NAPB: variants seen among roughly 807,000 people sequenced by gnomAD.
The protein encoded by NAPB is beta-soluble NSF attachment protein.
A neutral mutation model predicts 44.7 loss-of-function variants in NAPB; 26 were observed. That is an observed-to-expected ratio of 0.58 (90% confidence interval 0.43 to 0.81). The LOEUF (loss-of-function observed/expected upper bound fraction) is 0.81, where lower values mean the gene tolerates loss of function less well. Ranked by LOEUF, NAPB falls within the 30% of genes least tolerant of loss-of-function variation. The pLI is 0.00. For missense variants in NAPB, 315 were observed against 356.4 expected (o/e 0.88, Z 0.94); for synonymous variants, 120 against 116.8 (o/e 1.03, Z -0.18).
At chr20:23,387,064 T>C (rs1190966916) in intron 7 of NAPB, among the ~76,000 whole-genome samples, 2 of 152,180 alleles carry the variant, frequency 1.3e-5, no homozygotes, top group East Asian at 3.9e-4. Context: ...GAAAAAAGTT[T>C]GACAAAGGAC....
intron 10 of NAPB, 74 bp downstream of exon 10, chr20:23,379,371 A>G (rs1982815882): frequency 8.5e-7 from 1 of 1,169,894 alleles, no homozygotes; most frequent in East Asian, 2.4e-5. Context: ...TAGAATTCAC[A>G]TAATGAAAAG....
chr20:23,394,976 C>T lies in NAPB; in HGVS notation c.366G>A (p.Lys122=). 4 of 1,614,204 alleles carry T rather than the reference C, an allele frequency of 2.5e-6. No individual in the cohort carries two copies. Among genetic ancestry groups the T allele is most frequent in the Non-Finnish European group, 2.5e-6 (3 of 1,180,024 alleles). The part of the protein sequence containing the change: ...TDMGRFTIAA[K]HHITIAEIYE... ...AGATCTCTGCAATAGTAATGTGGTGCTTGGCTGCAATTGTAAACCTTCCCT... is the reference window on the plus strand; with the variant it reads ...AGATCTCTGCAATAGTAATGTGGTGTTTGGCTGCAATTGTAAACCTTCCCT... The change falls in exon 5 of 11, where the codon AAG becomes AAA. Residue 122 remains lysine (K), a synonymous_variant. Coordinates refer to ENST00000377026, the MANE Select transcript of NAPB (RefSeq NM_022080.3).
At chr20:23,385,747 G>A (rs1040787503) in intron 7 of NAPB, among the ~76,000 whole-genome samples, 56 of 149,882 alleles carry the variant, frequency 3.7e-4, no homozygotes, top group East Asian at 4.0e-4. Flanking sequence ...GAGAAAGAGA[G>A]AGAGAGAAAG....
chr20:23,410,019 A>G (rs1256294860), intron 1 of NAPB, among the ~76,000 whole-genome samples: 1 of 152,212 alleles, frequency 6.6e-6, no homozygotes, highest in Non-Finnish European at 1.5e-5. Context: ...AGAGCACTGC[A>G]GTTGGGAACT....
intron 7 of NAPB, among the ~76,000 whole-genome samples, chr20:23,389,589 T>C (rs1983801183): frequency 2.6e-5 from 4 of 152,216 alleles, no homozygotes. Flanking sequence ...ATGACATGGA[T>C]GAACCCTGAA....
At chr20:23,389,909 A>G in intron 7 of NAPB, 37 bp downstream of exon 7, 1 of 1,557,576 alleles carries the variant, frequency 6.4e-7, no homozygotes, top group Non-Finnish European at 8.7e-7. Flanking sequence ...AAAATTATTC[A>G]GACAACTTCT....
chr20:23,402,894 G>A (rs1984948962), intron 2 of NAPB, 99 bp downstream of exon 2: 1 of 867,476 alleles, frequency 1.2e-6, no homozygotes, highest in Non-Finnish European at 1.8e-6. Context: ...CTGTCTCTGG[G>A]GCCAATAGTC....
intron 2 of NAPB, among the ~76,000 whole-genome samples, chr20:23,398,104 C>T (rs1017831273): frequency 7.2e-5 from 11 of 152,168 alleles, no homozygotes; most frequent in Non-Finnish European, 1.3e-4. Flanking sequence ...GAGGCTGCAT[C>T]AGGCCACTTC....
chr20:23,387,763 C>T (rs1386855703), intron 7 of NAPB, among the ~76,000 whole-genome samples: 3 of 152,060 alleles, frequency 2.0e-5, no homozygotes, highest in Non-Finnish European at 4.4e-5. Context: ...ATAAAAGGAA[C>T]CTGTATTCAT....
intron 5 of NAPB, among the ~76,000 whole-genome samples, chr20:23,392,904 A>T (rs1984076985): frequency 6.6e-6 from 1 of 151,908 alleles, no homozygotes; most frequent in Non-Finnish European, 1.5e-5. Flanking sequence ...TGTGTTGGAG[A>T]CCATGCCTGG....
chr20:23,417,495 C>T (rs574692464), intron 1 of NAPB, among the ~76,000 whole-genome samples: 2 of 152,200 alleles, frequency 1.3e-5, no homozygotes, highest in African/African-American at 4.8e-5. Flanking sequence ...TTTTCCAATT[C>T]AAAACTATCT....
At chr20:23,398,516 C>T (rs984342764) in intron 2 of NAPB, among the ~76,000 whole-genome samples, 5 of 152,190 alleles carry the variant, frequency 3.3e-5, no homozygotes, top group Non-Finnish European at 7.4e-5. Context: ...TGTGCCACCA[C>T]ACCTGGCTAT....
intron 7 of NAPB, among the ~76,000 whole-genome samples, chr20:23,383,714 A>C (rs1983230166): frequency 6.6e-6 from 1 of 152,210 alleles, no homozygotes; most frequent in Non-Finnish European, 1.5e-5. Context: ...TCTAAATAGA[A>C]AGGAAACAAT....
intron 1 of NAPB, among the ~76,000 whole-genome samples, chr20:23,417,991 C>T (rs1475696555): frequency 1.3e-5 from 2 of 152,082 alleles, no homozygotes; most frequent in African/African-American, 4.8e-5. Context: ...TACAGTATTG[C>T]CACAAAACCA....
chr20:23,389,610 T>C (rs1351015829), intron 7 of NAPB, among the ~76,000 whole-genome samples: 1 of 152,144 alleles, frequency 6.6e-6, no homozygotes, highest in African/African-American at 2.4e-5. Flanking sequence ...AACAATACAC[T>C]AAGTGAAAGA....
rs201388302 is a variant in NAPB at position 23,405,182 on chromosome 20, G to A, written c.99-2110C>T. Among the ~76,000 whole-genome samples, 8 of 152,044 alleles carry A rather than the reference G, an allele frequency of 5.3e-5. No homozygotes were observed. The East Asian group carries it at 1.5e-3, about 29-fold the overall frequency. The stretch of plus-strand genomic sequence containing the variant: ...TTAGCCAGTGTGGTGGCACATGCCT[G>A]TAGTCCCAGCTACTTGAGGGACTGA... On this transcript the variant is annotated intron_variant, in intron 1 of 10. Coordinates refer to ENST00000377026, the MANE Select transcript of NAPB (RefSeq NM_022080.3).
In NAPB at chr20:23,395,069, A is replaced by C; in HGVS notation, c.342+70T>G. On this transcript the variant is annotated intron_variant, in intron 4 of 10. Coordinates refer to ENST00000377026, the MANE Select transcript of NAPB (RefSeq NM_022080.3). ...CTGAATGCCAGTTTGGGAACATAAA[A>C]AAGAAAGATAGAACTCTAAGCCATC... The C allele has an allele frequency of 1.9e-6, 3 of 1,612,742 alleles. No homozygotes were observed. The South Asian group carries it at 3.3e-5, about 18-fold the overall frequency.
chr20:23,408,723 C>G (rs1304026252), intron 1 of NAPB, among the ~76,000 whole-genome samples: 1 of 152,102 alleles, frequency 6.6e-6, no homozygotes, highest in Non-Finnish European at 1.5e-5. Context: ...GATGCAGAGG[C>G]CCCAGAAGGA....
At chr20:23,420,253 T>C (rs761150271) in intron 1 of NAPB, among the ~76,000 whole-genome samples, 7 of 152,070 alleles carry the variant, frequency 4.6e-5, no homozygotes, top group Non-Finnish European at 1.0e-4. Flanking sequence ...CACGGAAGAA[T>C]TACAGGAAAT....
Sources: allele counts gnomAD v4.1 joint callset (sites outside exome capture counted in the v4.1 genomes callset), GRCh38; gene constraint gnomAD v4.1.1; transcripts MANE v1.5; gene names NCBI Gene and HGNC (gene_info 2026-07-23, HGNC 2026-07-21).